Variants in CNTNAP2 observed in about 807,000 individuals in gnomAD.
CNTNAP2 encodes the protein contactin associated protein 2.
CNTNAP2 carries 98 observed loss-of-function variants against 155.2 expected under a neutral mutation model. That is an observed-to-expected ratio of 0.63 (90% confidence interval 0.54 to 0.75). The LOEUF is 0.75. Ranked by LOEUF, CNTNAP2 falls within the 30% of genes least tolerant of loss-of-function variation. The pLI, the probability that CNTNAP2 is intolerant of heterozygous loss-of-function variation, is 0.00. For synonymous variants in CNTNAP2, 651 were observed against 631.2 expected (o/e 1.03, Z -0.47); for missense variants, 1,727 against 1,688.1 (o/e 1.02, Z -0.40).
chr7:147,827,610 CT>C (rs1381851552), intron 13 of CNTNAP2, among the ~76,000 whole-genome samples: 1 of 152,138 alleles, frequency 6.6e-6, no homozygotes, highest in African/African-American at 2.4e-5. Flanking sequence ...AAATATGTTA[CT>C]TACCTTTAGG....
intron 8 of CNTNAP2, among the ~76,000 whole-genome samples, chr7:147,200,959 T>C (rs1281398563): frequency 6.6e-6 from 1 of 152,100 alleles, no homozygotes; most frequent in Non-Finnish European, 1.5e-5. Context: ...CAACTGAGGG[T>C]CATGTTAGTG....
intron 2 of CNTNAP2, among the ~76,000 whole-genome samples, chr7:146,830,175 TA>T (rs578054399): frequency 1.0e-3 from 159 of 152,224 alleles, no homozygotes; most frequent in African/African-American, 3.7e-3. Context: ...GAGTCCTGTT[TA>T]AAAAATCTTT....
chr7:146,728,438 G>C (rs6976154), intron 1 of CNTNAP2, among the ~76,000 whole-genome samples: 4,915 of 152,108 alleles, frequency 0.032, 115 homozygotes, highest in East Asian at 0.12. Flanking sequence ...GCACTTACTG[G>C]TTTTTTGCTT....
At chr7:146,448,058 C>G (rs1238308802) in intron 1 of CNTNAP2, among the ~76,000 whole-genome samples, 1 of 151,904 alleles carries the variant, frequency 6.6e-6, no homozygotes, top group African/African-American at 2.4e-5. Flanking sequence ...ATTTAATTCA[C>G]AAGATTCCCA....
At chr7:147,376,245 G>A (rs1459630565) in intron 9 of CNTNAP2, among the ~76,000 whole-genome samples, 2 of 151,986 alleles carry the variant, frequency 1.3e-5, no homozygotes, top group African/African-American at 4.8e-5. Flanking sequence ...CAGTCCCAGT[G>A]TTCAGAGAGT....
chr7:147,094,102 G>T (rs921598890), intron 4 of CNTNAP2, among the ~76,000 whole-genome samples: 1 of 152,016 alleles, frequency 6.6e-6, no homozygotes, highest in Non-Finnish European at 1.5e-5. Context: ...TGGGGCAGCC[G>T]CAACCCCATG....
chr7:146,696,313 G>C (rs1305663756), intron 1 of CNTNAP2, among the ~76,000 whole-genome samples: 1 of 152,146 alleles, frequency 6.6e-6, no homozygotes, highest in Non-Finnish European at 1.5e-5. Context: ...CTGTAAGCAT[G>C]AAATTGTTTA....
chr7:146,255,273 G>C lies in CNTNAP2; in HGVS notation c.97+138300G>C, dbSNP rs150397154. ...CTCTGAGTATCAATGTGCCCATCTG[G>C]AAAATGCAACAATAAACAGCCCTCA... On this transcript the variant is annotated intron_variant, in intron 1 of 23. Coordinates refer to ENST00000361727, the MANE Select transcript of CNTNAP2 (RefSeq NM_014141.6). Among the ~76,000 whole-genome samples, 842 of 152,264 alleles carry C rather than the reference G, an allele frequency of 5.5e-3. 5 individuals carry two copies. Among genetic ancestry groups the C allele is most frequent in the African/African-American group, 0.019 (804 of 41,552 alleles).
intron 13 of CNTNAP2, among the ~76,000 whole-genome samples, chr7:147,646,525 G>A (rs1371361500): frequency 1.3e-5 from 2 of 152,070 alleles, no homozygotes; most frequent in African/African-American, 4.8e-5. Flanking sequence ...TTCCATTCTT[G>A]TATTTATATT....
chr7:146,702,423 A>C (rs1309570079), intron 1 of CNTNAP2, among the ~76,000 whole-genome samples: 1 of 152,188 alleles, frequency 6.6e-6, no homozygotes, highest in Non-Finnish European at 1.5e-5. Flanking sequence ...GAAATACTTT[A>C]GAAAAGCATT....
At chr7:147,322,527 T>C (rs1795371796) in intron 9 of CNTNAP2, among the ~76,000 whole-genome samples, 1 of 151,956 alleles carries the variant, frequency 6.6e-6, no homozygotes, top group Non-Finnish European at 1.5e-5. Context: ...GATATTGGTC[T>C]AAAATTCTCT....
At chr7:146,635,755 G>A (rs1799587345) in intron 1 of CNTNAP2, among the ~76,000 whole-genome samples, 1 of 151,890 alleles carries the variant, frequency 6.6e-6, no homozygotes, top group Non-Finnish European at 1.5e-5. Context: ...GCTGCCTTCC[G>A]GAGTCCTCCT....
intron 13 of CNTNAP2, among the ~76,000 whole-genome samples, chr7:147,841,051 C>T (rs1798719354): frequency 6.6e-6 from 1 of 152,106 alleles, no homozygotes; most frequent in Admixed American, 6.5e-5. Flanking sequence ...AGCAAATTGT[C>T]AAAAATATTA....
chr7:146,905,738 T>G (rs1198639031), intron 3 of CNTNAP2, among the ~76,000 whole-genome samples: 1 of 152,204 alleles, frequency 6.6e-6, no homozygotes, highest in Non-Finnish European at 1.5e-5. Flanking sequence ...ATTAGCAGAA[T>G]GAAACCTATA....
chr7:147,909,935 G>A (rs1366896199), intron 14 of CNTNAP2, among the ~76,000 whole-genome samples: 2 of 152,116 alleles, frequency 1.3e-5, no homozygotes, highest in Non-Finnish European at 2.9e-5. Context: ...CATTAGAAAG[G>A]CCAAATACTA....
In CNTNAP2 at chr7:148,365,717, T is replaced by C. The variant is rs1331231977; in HGVS notation, c.3476-17932T>C. 3.1e-3 allele frequency among the ~76,000 whole-genome samples: 228 copies of C among 73,348 alleles called. 6 individuals are homozygous for C. Among genetic ancestry groups the C allele is most frequent in the African/African-American group, 8.8e-3 (215 of 24,554 alleles). 48.1% of individuals were successfully genotyped at this position (73,348 alleles called of 152,430 possible). ...ATATATGTATACTTTTATATATATGTATACGTGTATATATGTATGTGTATA... is the reference window on the plus strand; with the variant it reads ...ATATATGTATACTTTTATATATATGCATACGTGTATATATGTATGTGTATA... On this transcript the variant is annotated intron_variant, in intron 21 of 23. Transcript: ENST00000361727.
At chr7:146,822,571 T>TA (rs1179679563) in intron 2 of CNTNAP2, among the ~76,000 whole-genome samples, 1 of 150,900 alleles carries the variant, frequency 6.6e-6, no homozygotes, top group Non-Finnish European at 1.5e-5. Flanking sequence ...GTCTGAGTAT[T>TA]AAGTATTTTC....
At chr7:146,988,549 C>A (rs776192575) in intron 3 of CNTNAP2, among the ~76,000 whole-genome samples, 1 of 152,072 alleles carries the variant, frequency 6.6e-6, no homozygotes, top group African/African-American at 2.4e-5. Context: ...ATTGTCCCCA[C>A]GAAAATGACT....
intron 1 of CNTNAP2, among the ~76,000 whole-genome samples, chr7:146,576,828 C>T (rs536512042): frequency 3.3e-5 from 5 of 152,096 alleles, no homozygotes; most frequent in African/African-American, 7.2e-5. Flanking sequence ...TCTAGTTTCA[C>T]GGATTCAGTG....
Sources: allele counts gnomAD v4.1 joint callset (sites outside exome capture counted in the v4.1 genomes callset), GRCh38; gene constraint gnomAD v4.1.1; transcripts MANE v1.5; gene names NCBI Gene and HGNC (gene_info 2026-07-23, HGNC 2026-07-21).